PCDH15: variants seen among roughly 807,000 people sequenced by gnomAD.
PCDH15 encodes protocadherin related 15.
Under a neutral mutation model 178.5 loss-of-function variants are expected in PCDH15, and 129 were observed. The ratio of observed to expected loss-of-function variants is 0.72; its 90% CI spans 0.63 to 0.84. The LOEUF (loss-of-function observed/expected upper bound fraction) is 0.84. Ranked by LOEUF, PCDH15 falls within the 40% of genes least tolerant of loss-of-function variation. PCDH15 has a pLI of 0.00. For synonymous variants in PCDH15, 800 were observed against 732.0 expected, an observed-to-expected ratio of 1.09 and a Z score of -1.50; for missense variants, 2,230 against 2,099.9, an observed-to-expected ratio of 1.06 and a Z score of -1.21.
At chr10:55,454,317 G>A (rs1290272076) in intron 2 of PCDH15, among the ~76,000 whole-genome samples, 2 of 151,722 alleles carry the variant, frequency 1.3e-5, no homozygotes, top group Admixed American at 6.6e-5. Flanking sequence ...TTAAACTGCT[G>A]GATCAGCCCT....
chr10:55,529,161 C>A (rs1408979550), intron 2 of PCDH15, among the ~76,000 whole-genome samples: 1 of 151,948 alleles, frequency 6.6e-6, no homozygotes, highest in African/African-American at 2.4e-5. Flanking sequence ...CAAAAATTTT[C>A]TCCCATTCTG....
intron 7 of PCDH15, among the ~76,000 whole-genome samples, chr10:54,326,211 C>A (rs1938050024): frequency 6.6e-6 from 1 of 152,096 alleles, no homozygotes; most frequent in Non-Finnish European, 1.5e-5. Flanking sequence ...AGCTGACTTT[C>A]CACCTCCAAC....
At chr10:55,354,871 G>C (rs990963261) in intron 2 of PCDH15, among the ~76,000 whole-genome samples, 1 of 151,738 alleles carries the variant, frequency 6.6e-6, no homozygotes, top group Non-Finnish European at 1.5e-5. Context: ...ATTCTATCAC[G>C]GAAAAAATCA....
intron 35 of PCDH15, among the ~76,000 whole-genome samples, chr10:53,815,598 T>C (rs957026590): frequency 6.6e-6 from 1 of 152,134 alleles, no homozygotes; most frequent in African/African-American, 2.4e-5. Flanking sequence ...AAGACAGAAT[T>C]CTGTACTCAA....
At chr10:55,079,975 G>T (rs1293319074) in intron 2 of PCDH15, among the ~76,000 whole-genome samples, 1 of 152,088 alleles carries the variant, frequency 6.6e-6, no homozygotes, top group Non-Finnish European at 1.5e-5. Context: ...TAGAACAGGG[G>T]ATTCTGTGGT....
chr10:55,057,691 A>C lies in PCDH15; in HGVS notation c.-80+108885T>G, dbSNP rs184866928. ...CTCCCCTTTCTCCATGATATAAGCC[A>C]TTGACTTAAAACCTTGTCCTACCAA... is the stretch of plus-strand genomic sequence containing the variant. On this transcript the variant is annotated intron_variant, in intron 2 of 5. Transcript: ENST00000458638. Among the ~76,000 whole-genome samples the C allele has an allele frequency of 5.5e-3, 834 of 152,262 alleles. 8 individuals carry two copies. Among genetic ancestry groups the C allele is most frequent in the African/African-American group, 0.019 (776 of 41,558 alleles).
chr10:55,111,548 A>T (rs2252778), intron 2 of PCDH15, among the ~76,000 whole-genome samples: 11,330 of 151,770 alleles, frequency 0.075, 1,323 homozygotes, highest in African/African-American at 0.25. Context: ...AAAAAAATTT[A>T]AAAAAGTTCT....
chr10:54,860,664 C>T lies in PCDH15; in HGVS notation c.-29+36786G>A, dbSNP rs923319721. Among the ~76,000 whole-genome samples, 3 of 151,860 alleles carry T rather than the reference C, an allele frequency of 2.0e-5. No individual in the cohort carries two copies. In the South Asian group the frequency reaches 6.2e-4, roughly 32 times the overall value. On this transcript the variant is annotated intron_variant, in intron 3 of 5. Coordinates refer to the PCDH15 transcript ENST00000458638. ...AATTTATTTTTCTTGGGGTGTATAC[C>T]CAGTAATGGAATGTCTGGGTCATGT...
intron 2 of PCDH15, among the ~76,000 whole-genome samples, chr10:54,631,844 A>G (rs953569720): frequency 6.6e-6 from 1 of 152,056 alleles, no homozygotes; most frequent in Non-Finnish European, 1.5e-5. Flanking sequence ...ACCACCATAC[A>G]CTTATAAAAC....
intron 2 of PCDH15, among the ~76,000 whole-genome samples, chr10:55,436,790 G>A (rs779286128): frequency 6.6e-6 from 1 of 152,164 alleles, no homozygotes; most frequent in Non-Finnish European, 1.5e-5. Context: ...GGTATATTTT[G>A]TAATTGGTAA....
chr10:54,275,482 C>T (rs962298778), intron 8 of PCDH15, among the ~76,000 whole-genome samples: 1 of 151,712 alleles, frequency 6.6e-6, no homozygotes, highest in Non-Finnish European at 1.5e-5. Flanking sequence ...GATGATATGC[C>T]AATTCTCTGG....
At chr10:55,110,120 A>G (rs1368536805) in intron 2 of PCDH15, among the ~76,000 whole-genome samples, 4 of 151,962 alleles carry the variant, frequency 2.6e-5, no homozygotes, top group Non-Finnish European at 4.4e-5. Context: ...GTGTAATATT[A>G]TAAGACATTT....
At chr10:55,271,788 T>A (rs949099642) in intron 1 of PCDH15, among the ~76,000 whole-genome samples, 3 of 151,998 alleles carry the variant, frequency 2.0e-5, no homozygotes, top group African/African-American at 7.3e-5. Flanking sequence ...GACCTCCCCA[T>A]CTCCAAGCAG....
intron 26 of PCDH15, among the ~76,000 whole-genome samples, chr10:53,891,803 A>T (rs112081224): frequency 0.66 from 99,899 of 150,470 alleles, 33,879 homozygotes; most frequent in East Asian, 0.88. Flanking sequence ...AAATAAAAAA[A>T]AAAAAAAAAT....
intron 9 of PCDH15, among the ~76,000 whole-genome samples, chr10:54,216,392 A>C (rs1304287345): frequency 6.6e-6 from 1 of 152,084 alleles, no homozygotes; most frequent in Non-Finnish European, 1.5e-5. Flanking sequence ...GGAGACATGG[A>C]GGTTGCGTGA....
chr10:53,827,451 G>GCGC lies in PCDH15; in HGVS notation c.4308_4309insGCG (p.Pro1436_Pro1437insAla). The GCGC allele has an allele frequency of 6.2e-7, 1 of 1,613,464 alleles. No homozygotes were observed. Among genetic ancestry groups the GCGC allele is most frequent in the Non-Finnish European group, 8.5e-7 (1 of 1,179,630 alleles). On this transcript the variant is annotated inframe_insertion, in exon 32 of 38. Coordinates refer to ENST00000644397, the MANE Select transcript of PCDH15 (RefSeq NM_001384140.1). ...GCACCTGGCGGAGGCGGCGGCGGCG[G>GCGC]CGGGGGCGCTGCCACTGGTGCAGGA...
chr10:55,408,836 T>C (rs566766474), intron 2 of PCDH15, among the ~76,000 whole-genome samples: 3 of 152,242 alleles, frequency 2.0e-5, no homozygotes, highest in African/African-American at 7.2e-5. Flanking sequence ...CTTATCTAAG[T>C]CATGGATGAT....
chr10:54,714,212 T>C (rs1026963918), intron 1 of PCDH15, among the ~76,000 whole-genome samples: 1 of 152,148 alleles, frequency 6.6e-6, no homozygotes, highest in Non-Finnish European at 1.5e-5. Flanking sequence ...TTGAGAAAGG[T>C]GTCAGATATC....
At chr10:54,739,405 T>G (rs192754501) in intron 1 of PCDH15, among the ~76,000 whole-genome samples, 96 of 151,694 alleles carry the variant, frequency 6.3e-4, no homozygotes, top group Admixed American at 2.6e-3. Flanking sequence ...TGGAAAAGAT[T>G]GATAAAATAA....
Sources: allele counts gnomAD v4.1 joint callset (sites outside exome capture counted in the v4.1 genomes callset), GRCh38; gene constraint gnomAD v4.1.1; transcripts MANE v1.5; gene names NCBI Gene and HGNC (gene_info 2026-07-23, HGNC 2026-07-21).